The following NBPF9 variants were observed in gnomAD, a reference collection of about 807,000 sequenced individuals.
NBPF9 encodes the protein NBPF family member NBPF9.
Under a neutral mutation model 97.8 loss-of-function variants are expected in NBPF9, and 91 were observed. The observed-to-expected ratio is 0.93, with a 90% CI of 0.79 to 1.11. The LOEUF is 1.11. Ranked by LOEUF, NBPF9 falls within the 50% of genes least tolerant of loss-of-function variation. The pLI, the probability that NBPF9 is intolerant of heterozygous loss-of-function variation, is 0.00. For synonymous variants in NBPF9, 334 were observed against 359.5 expected (o/e 0.93, Z 0.80); for missense variants, 992 against 939.5 (o/e 1.06, Z -0.73).
chr1:149,070,811 T>A (rs587699363), intron 16 of NBPF9, 123 bp downstream of exon 16: 1 of 1,484,834 alleles, frequency 6.7e-7, no homozygotes, highest in East Asian at 2.3e-5. Flanking sequence ...AACTCCCTGA[T>A]ATCTGTTTAG....
Position 149,071,120 on chromosome 1 carries a change from C to A in NBPF9, c.1399G>T (p.Glu467Ter). The A allele has an allele frequency of 6.3e-7, 1 of 1,594,752 alleles. No individual in the cohort carries two copies. Among genetic ancestry groups the A allele is most frequent in the Non-Finnish European group, 8.6e-7 (1 of 1,165,158 alleles). Reference sequence around the variant, plus strand: ...AGTGAGTCCTCAGGGACTTCCTTTTCTTCAGCCTTCTGCATCTCCCTGATG... The same window carrying A: ...AGTGAGTCCTCAGGGACTTCCTTTTATTCAGCCTTCTGCATCTCCCTGATG... Residue 467 changes from glutamate to a stop codon, truncating the protein, a stop_gained, in exon 16 of 30, where the codon GAA (glutamate) becomes TAA (stop). Coordinates refer to ENST00000584027, the Ensembl canonical transcript of NBPF9. LOFTEE classifies it high-confidence loss of function.
At position 149,072,709 on chromosome 1, in the gene NBPF9, C is replaced by T. The variant is rs1178986000; in HGVS notation, c.1306+9G>A. 18 of 1,611,578 alleles carry T rather than the reference C, an allele frequency of 1.1e-5. No homozygotes were observed. The African/African-American group carries it at 1.7e-4, about 16-fold the overall frequency. On this transcript the variant is annotated intron_variant, in intron 14 of 29. Coordinates refer to ENST00000584027, the Ensembl canonical transcript of NBPF9. ...GGTTTTGGGTCAACAGGGCCTATGGCCACCTTACCTGGGCTGAGCTTTTGG... is the reference window on the plus strand; with the variant it reads ...GGTTTTGGGTCAACAGGGCCTATGGTCACCTTACCTGGGCTGAGCTTTTGG...
At chr1:149,082,957 CTTT>C (rs1157992196) in intron 5 of NBPF9, among the ~76,000 whole-genome samples, 693 of 66,480 alleles carry the variant, frequency 0.01, 9 homozygotes, top group South Asian at 0.044. Flanking sequence ...TTTTTCTTTT[CTTT>C]TTTTTTTTTT....
intron 12 of NBPF9, among the ~76,000 whole-genome samples, chr1:149,075,055 C>T (rs2152899057): frequency 6.6e-6 from 1 of 151,550 alleles, no homozygotes; most frequent in African/African-American, 2.4e-5. Context: ...CATGATCTGC[C>T]CGCCTCAGCC....
At chr1:149,059,468 G>A (rs1559517984) in intron 25 of NBPF9, 1 of 401,268 alleles carries the variant, frequency 2.5e-6, no homozygotes, top group East Asian at 3.6e-5. Context: ...CGATGCAGTG[G>A]CCATGAAAGT....
chr1:149,076,946 C>T (rs1481202152), intron 11 of NBPF9, among the ~76,000 whole-genome samples: 3 of 151,258 alleles, frequency 2.0e-5, no homozygotes, highest in African/African-American at 7.3e-5. Context: ...AGGCATGCAG[C>T]ACCATGCCTG....
exon 11 of NBPF9, chr1:149,077,412 G>C (rs781851924): frequency 3.1e-6 from 5 of 1,609,518 alleles, no homozygotes; most frequent in Admixed American, 1.7e-5. Context: ...TCAGCCTTCT[G>C]CACCTCCCTG....
In NBPF9 at chr1:149,080,032, C is replaced by T. The variant is rs1396115849; in HGVS notation, c.278+21G>A. ...GATCTACACACCTACCCGCCTGCCT[C>T]CCCCCACGGGGTCCCCTCACCTGAG... On this transcript the variant is annotated intron_variant, in intron 8 of 29. Coordinates refer to ENST00000584027, the Ensembl canonical transcript of NBPF9. The T allele has an allele frequency of 5.7e-6, 9 of 1,583,740 alleles. No individual in the cohort carries two copies. The East Asian group carries it at 1.1e-4, about 20-fold the overall frequency.
chr1:149,063,519 G>A (rs1390909600), intron 20 of NBPF9, 114 bp downstream of exon 20: 5 of 700,960 alleles, frequency 7.1e-6, no homozygotes, highest in South Asian at 1.6e-5. Context: ...GTGCCTATAG[G>A]TCCTCCCTGT....
rs782419441 is a variant in NBPF9, at chr1:149,075,799, C to T, written c.844G>A (p.Glu282Lys). ...TCTAGAATGTTCATCTCTGCCTTCTCGCTGGACAAAGGGCCGGCTGATACC... is the reference window on the plus strand; with the variant it reads ...TCTAGAATGTTCATCTCTGCCTTCTTGCTGGACAAAGGGCCGGCTGATACC... Residue 282 changes from glutamate to lysine, a missense_variant, in exon 12 of 30, where the codon GAG becomes AAG. By Grantham distance (56) the Glu-to-Lys change is moderately conservative. Transcript: ENST00000584027. 160 of 1,582,986 alleles carry T rather than the reference C, an allele frequency of 1.0e-4. No individual in the cohort carries two copies. The East Asian group carries it at 3.2e-3, about 31-fold the overall frequency.
At chr1:149,081,023 C>A (rs2080386454) in intron 7 of NBPF9, among the ~76,000 whole-genome samples, 2 of 151,910 alleles carry the variant, frequency 1.3e-5, no homozygotes, top group Non-Finnish European at 2.9e-5. Flanking sequence ...CGGGTGTGAT[C>A]TTTCTTCCTC....
At chr1:149,101,963 C>T (rs2082173622) in intron 2 of NBPF9, among the ~76,000 whole-genome samples, 1 of 118,914 alleles carries the variant, frequency 8.4e-6, no homozygotes. Context: ...GGGTCTCACT[C>T]TGCCACCCAG....
intron 6 of NBPF9, 35 bp downstream of exon 6, chr1:149,082,237 C>G (rs2080534568): frequency 7.6e-7 from 1 of 1,309,308 alleles, no homozygotes; most frequent in South Asian, 1.2e-5. Flanking sequence ...TAGGTTTAAT[C>G]AGGACTGAGG....
chr1:149,081,575 T>G (rs74318944), intron 7 of NBPF9, among the ~76,000 whole-genome samples: 4 of 152,072 alleles, frequency 2.6e-5, no homozygotes, highest in Non-Finnish European at 5.9e-5. Context: ...TCAACGGAAA[T>G]TTGAACTGAA....
At chr1:149,056,035 A>T (rs1399796494) in intron 29 of NBPF9, 136 bp from the exon 30 acceptor site, 26 of 1,475,294 alleles carry the variant, frequency 1.8e-5, no homozygotes, top group East Asian at 9.5e-5. Flanking sequence ...AAAAAAAAAA[A>T]TTTATTGCCT....
rs1553652939 is a variant in NBPF9, at chr1:149,071,626, C to T, written c.1357G>A (p.Val453Met). 8 of 1,316,900 alleles carry T rather than the reference C, an allele frequency of 6.1e-6. 1 individual carries two copies. Among genetic ancestry groups the T allele is most frequent in the South Asian group, 1.2e-5 (1 of 80,936 alleles). The allele number at this position is 1,316,900 out of a possible 1,614,324, so 81.6% of individuals were successfully genotyped here. A position where few individuals can be genotyped will look rare whatever the true frequency, so the allele number is the denominator to read the frequency against. ...TACCTGGGGGCAGACGATTTCTGCA[C>T]TTTCTCAGCCACCTCAATTTGAACA... The change falls in exon 15 of 30, where the codon GTG becomes ATG. Residue 453 changes from valine to methionine, a missense_variant. Val to Met is a conservative substitution (Grantham distance 21). This residue lies in a region of NBPF9 where 4 missense variants were observed against 23.6 expected (regional missense o/e 0.17). Transcript: ENST00000584027.
chr1:149,055,693 T>G (rs1553648641), exon 30 of NBPF9: 3 of 1,611,770 alleles, frequency 1.9e-6, no homozygotes, highest in Non-Finnish European at 2.5e-6. Context: ...GAACACCAGG[T>G]GGAGACTTGT....
chr1:149,088,413 G>A (rs1464598441), intron 5 of NBPF9, among the ~76,000 whole-genome samples: 3 of 151,950 alleles, frequency 2.0e-5, no homozygotes, highest in Non-Finnish European at 2.9e-5. Flanking sequence ...TTATTGCATT[G>A]ATTTAGAGCT....
chr1:149,072,732 T>A, exon 14 of NBPF9: 1 of 1,611,750 alleles, frequency 6.2e-7, no homozygotes, highest in Non-Finnish European at 8.5e-7. Flanking sequence ...GCTGAGCTTT[T>A]GGACAAGGTG....
Sources: gnomAD v4.1 joint callset for allele counts (sites outside exome capture counted in the v4.1 genomes callset) on GRCh38, gnomAD v4.1.1 for gene constraint, gnomAD v4.1.1 regional missense constraint, MANE v1.5 for transcripts, NCBI Gene and HGNC (gene_info 2026-07-23, HGNC 2026-07-21) for gene names.